SPMIP8: variants seen among roughly 807,000 people sequenced by gnomAD.
SPMIP8 encodes the protein testicular tissue protein Li 196.
At chr16:57,984,506 G>A in the SPMIP8 span, 5 of 1,508,776 alleles carry the variant, frequency 3.3e-6, no homozygotes, top group South Asian at 2.4e-5. Flanking sequence ...CCGGGTTCAC[G>A]ACTTCGGGCG....
the SPMIP8 span, chr16:57,986,302 G>C: frequency 8.3e-6 from 2 of 239,896 alleles, no homozygotes; most frequent in Non-Finnish European, 1.6e-5. Flanking sequence ...CCCTAAGGGA[G>C]GGGGCTAAGT....
chr16:57,981,404 T>TATTATTATTATTATTATTATTATA, the SPMIP8 span, among the ~76,000 whole-genome samples: 1 of 140,524 alleles, frequency 7.1e-6, no homozygotes, highest in East Asian at 2.0e-4. Flanking sequence ...TTATTATTAT[T>TATTATTATTATTATTATTATTATA]ATAATAATAA....
the SPMIP8 span, chr16:57,987,384 T>G: frequency 6.3e-7 from 1 of 1,588,572 alleles, no homozygotes. Flanking sequence ...TCACCCCTAC[T>G]TCTCTCCACA....
the SPMIP8 span, chr16:57,986,037 C>G: frequency 6.9e-7 from 1 of 1,455,244 alleles, no homozygotes; most frequent in Non-Finnish European, 9.2e-7. Context: ...AACCCCCCTG[C>G]CCCAGCGAGG....
the SPMIP8 span, among the ~76,000 whole-genome samples, chr16:57,983,855 C>T: frequency 6.6e-6 from 1 of 152,158 alleles, no homozygotes; most frequent in Non-Finnish European, 1.5e-5. Flanking sequence ...TCAAGTGATC[C>T]ACCCGCTTTG....
At chr16:57,981,420 AT>A in the SPMIP8 span, among the ~76,000 whole-genome samples, 13 of 136,090 alleles carry the variant, frequency 9.6e-5, no homozygotes, top group African/African-American at 3.6e-4. Context: ...AATAATTATT[AT>A]TATTATTATT....
chr16:57,980,277 A>G, the SPMIP8 span, among the ~76,000 whole-genome samples: 3 of 152,222 alleles, frequency 2.0e-5, no homozygotes, highest in Admixed American at 6.5e-5. Flanking sequence ...AGGAGCTATG[A>G]ATATTCATGA....
At chr16:57,977,730 A>T in the SPMIP8 span, 2 of 1,436,624 alleles carry the variant, frequency 1.4e-6, no homozygotes, top group Non-Finnish European at 1.9e-6. Flanking sequence ...AGACATCGGC[A>T]CTGGCCAAGG....
chr16:57,978,957 G>C, the SPMIP8 span, among the ~76,000 whole-genome samples: 4 of 152,156 alleles, frequency 2.6e-5, no homozygotes, highest in African/African-American at 9.7e-5. Context: ...GAGGTTGACA[G>C]GTGCAGTGGT....
the SPMIP8 span, among the ~76,000 whole-genome samples, chr16:57,979,687 TG>T: frequency 2.6e-5 from 4 of 151,580 alleles, no homozygotes; most frequent in African/African-American, 9.7e-5. Flanking sequence ...TAGTTTCTGA[TG>T]TCTCTCCCTG....
chr16:57,985,374 C>G, the SPMIP8 span: 1 of 1,597,376 alleles, frequency 6.3e-7, no homozygotes, highest in Non-Finnish European at 8.5e-7. Context: ...AGCAGGGCCT[C>G]CCAGTCTTCA....
the SPMIP8 span, chr16:57,987,538 C>T: frequency 8.0e-7 from 1 of 1,243,920 alleles, no homozygotes. Flanking sequence ...TTCAGCCTAA[C>T]TAGAAATAAA....
the SPMIP8 span, chr16:57,984,430 G>C: frequency 6.3e-7 from 1 of 1,593,164 alleles, no homozygotes; most frequent in Non-Finnish European, 8.6e-7. Flanking sequence ...CTCTGGTCCT[G>C]GGATCTACAC....
chr16:57,984,541 C>T, the SPMIP8 span: 2 of 1,496,250 alleles, frequency 1.3e-6, no homozygotes, highest in East Asian at 2.4e-5. Flanking sequence ...TGCACCGGGC[C>T]ACTTGTCAAC....
At chr16:57,985,828 G>A in the SPMIP8 span, 846 of 1,509,720 alleles carry the variant, frequency 5.6e-4, 9 homozygotes, top group African/African-American at 0.01. Flanking sequence ...GGGGAGAGGG[G>A]GTGGCTCCCG....
chr16:57,976,750 C>G, the SPMIP8 span: 2 of 1,216,240 alleles, frequency 1.6e-6, no homozygotes, highest in Non-Finnish European at 2.3e-6. Context: ...GTCACCATGC[C>G]CCCTCCCTGC....
At chr16:57,985,176 G>A in the SPMIP8 span, 1 of 1,483,790 alleles carries the variant, frequency 6.7e-7, no homozygotes, top group Non-Finnish European at 8.9e-7. Flanking sequence ...GGGGGCGGAT[G>A]AGCGCTCGAG....
chr16:57,982,084 A>G, the SPMIP8 span, among the ~76,000 whole-genome samples: 1 of 152,190 alleles, frequency 6.6e-6, no homozygotes, highest in South Asian at 2.1e-4. Flanking sequence ...CTCCTGCTTC[A>G]GTTGATTTTT....
the SPMIP8 span, chr16:57,977,747 T>G: frequency 1.3e-6 from 2 of 1,531,494 alleles, no homozygotes; most frequent in Non-Finnish European, 1.8e-6. Flanking sequence ...AAGGTTGTTT[T>G]CATGCAGAGA....
Sources: allele counts gnomAD v4.1 joint callset (sites outside exome capture counted in the v4.1 genomes callset), GRCh38; gene constraint gnomAD v4.1.1; transcripts MANE v1.5; gene names NCBI Gene and HGNC (gene_info 2026-07-23, HGNC 2026-07-21).